Variants in CD99 observed in about 807,000 individuals in gnomAD.
CD99 encodes the protein CD99 molecule (Xg blood group).
A neutral mutation model predicts 28.4 loss-of-function variants in CD99; 19 were observed. The observed-to-expected ratio is 0.67, with a 90% CI of 0.47 to 0.98. The LOEUF (loss-of-function observed/expected upper bound fraction) is 0.98. Among genes scored for constraint, CD99 ranks in the 50% least tolerant of loss-of-function variants. CD99 has a pLI of 0.00. For missense variants in CD99, 283 were observed against 248.8 expected (o/e 1.14, Z -0.92); for synonymous variants, 103 against 92.1 (o/e 1.12, Z -0.67).
intron 8 of CD99, among the ~76,000 whole-genome samples, chrX:2,730,572 C>G (rs1011389393): frequency 6.6e-6 from 1 of 152,106 alleles, no homozygotes; most frequent in African/African-American, 2.4e-5. Flanking sequence ...TAATTTTCTT[C>G]TAATATTTTC....
chrX:2,711,352 TAGTATGTGTATATAC>T (rs2048398037), intron 1 of CD99, among the ~76,000 whole-genome samples: 1 of 149,186 alleles, frequency 6.7e-6, no homozygotes. Context: ...TGTGTATACA[TAGTATGTGTATATAC>T]AGTATGTATG....
intron 8 of CD99, among the ~76,000 whole-genome samples, chrX:2,731,195 G>A (rs1327971786): frequency 3.3e-5 from 5 of 152,158 alleles, no homozygotes; most frequent in African/African-American, 7.2e-5. Context: ...TTATGGGTTC[G>A]ATTTCCGGGA....
chrX:2,714,926 T>G (rs1346808156), intron 2 of CD99: 1 of 155,204 alleles, frequency 6.4e-6, no homozygotes, highest in Non-Finnish European at 1.4e-5. Flanking sequence ...CTTGTTAAGA[T>G]AAATGAACCA....
chrX:2,715,212 A>C (rs6641640), intron 2 of CD99: 1 of 148,496 alleles, frequency 6.7e-6, no homozygotes, highest in African/African-American at 2.5e-5. Flanking sequence ...TTATCACTCT[A>C]TCAGCTTCTG....
At chrX:2,725,146 A>G (rs977262478) in intron 7 of CD99, among the ~76,000 whole-genome samples, 19 of 150,856 alleles carry the variant, frequency 1.3e-4, no homozygotes, top group African/African-American at 4.6e-4. Context: ...GTGTAATCCC[A>G]GCATTTTGGG....
intron 8 of CD99, among the ~76,000 whole-genome samples, chrX:2,728,439 G>A (rs1302171873): frequency 1.3e-5 from 2 of 151,866 alleles, no homozygotes; most frequent in Non-Finnish European, 2.9e-5. Context: ...TGGATGATCC[G>A]CCTGCCTTGA....
At chrX:2,702,158 G>A (rs2047893126) in intron 1 of CD99, among the ~76,000 whole-genome samples, 1 of 152,188 alleles carries the variant, frequency 6.6e-6, no homozygotes. Context: ...CTTCAGGTGG[G>A]CTAGGGAGAG....
At chrX:2,711,292 T>C (rs1380652491) in intron 1 of CD99, among the ~76,000 whole-genome samples, 7 of 148,040 alleles carry the variant, frequency 4.7e-5, no homozygotes, top group Non-Finnish European at 7.4e-5. Flanking sequence ...ATATAGTATG[T>C]ATATATAGTA....
At chrX:2,734,828 ACTT>A (rs2049856988) in intron 8 of CD99, among the ~76,000 whole-genome samples, 1 of 56,894 alleles carries the variant, frequency 1.8e-5, no homozygotes, top group Non-Finnish European at 3.8e-5. Context: ...ATTTTTTCTT[ACTT>A]CTTTTACTTT....
chrX:2,713,429 A>G (rs1030332379), intron 1 of CD99, among the ~76,000 whole-genome samples: 9 of 151,972 alleles, frequency 5.9e-5, no homozygotes, highest in Non-Finnish European at 1.0e-4. Context: ...ATATGCACCC[A>G]CAACACATAC....
In CD99 at chrX:2,738,270, G is replaced by C. The variant is rs1394484061; in HGVS notation, c.532+14G>C. 1 of 1,613,480 alleles carries C rather than the reference G, an allele frequency of 6.2e-7. No homozygotes were observed. The highest frequency in any genetic ancestry group is 1.7e-5 in the Admixed American group (1 of 60,002). ...CAGAGCCAGCTGGTAAGAAGGACGG[G>C]GAACGATGGCTTGCACACGTGGCCA... On this transcript the variant is annotated intron_variant, in intron 9 of 9. Transcript: ENST00000381192.
At chrX:2,702,134 C>T (rs1040745114) in intron 1 of CD99, among the ~76,000 whole-genome samples, 2 of 152,168 alleles carry the variant, frequency 1.3e-5, no homozygotes, top group African/African-American at 4.8e-5. Context: ...TCTGGTAATA[C>T]TTGTGAGAAA....
intron 8 of CD99, among the ~76,000 whole-genome samples, chrX:2,731,480 C>T (rs2049603133): frequency 6.6e-6 from 1 of 152,110 alleles, no homozygotes; most frequent in African/African-American, 2.4e-5. Context: ...TTTCCAGGTA[C>T]TCGGGAGGCT....
chrX:2,707,120 C>G (rs188762068), intron 1 of CD99, among the ~76,000 whole-genome samples: 1 of 152,046 alleles, frequency 6.6e-6, no homozygotes, highest in Non-Finnish European at 1.5e-5. Flanking sequence ...ACTTGATGCC[C>G]GGAGTTTGAG....
intron 6 of CD99, 91 bp from the exon 7 acceptor site, chrX:2,723,223 G>C (rs1603284201): frequency 1.5e-6 from 2 of 1,317,154 alleles, no homozygotes; most frequent in Non-Finnish European, 2.2e-6. Context: ...TAGAGTGTAA[G>C]AAGCAGGACC....
intron 1 of CD99, among the ~76,000 whole-genome samples, chrX:2,695,039 G>A (rs867264674): frequency 2.1e-4 from 32 of 152,106 alleles, no homozygotes; most frequent in African/African-American, 7.5e-4. Context: ...ATCTTCCCCC[G>A]GGGAAATAGA....
intron 3 of CD99, 30 bp downstream of exon 3, chrX:2,717,682 G>T (rs199527530): frequency 2.9e-5 from 47 of 1,599,540 alleles, no homozygotes; most frequent in African/African-American, 5.4e-5. Context: ...AGTATGCAAA[G>T]AAAAAGAGCA....
chrX:2,719,375 ATTACT>A (rs1473320100), intron 3 of CD99: 2 of 417,764 alleles, frequency 4.8e-6, no homozygotes, highest in African/African-American at 2.2e-5. Context: ...TCATTTATAA[ATTACT>A]TTATTTCTCT....
chrX:2,712,713 C>G (rs950154904), intron 1 of CD99, among the ~76,000 whole-genome samples: 5 of 152,060 alleles, frequency 3.3e-5, no homozygotes, highest in African/African-American at 7.3e-5. Context: ...AGAGCTGTTC[C>G]GAGCGTTTTG....
Sources: gnomAD v4.1 joint callset for allele counts (sites outside exome capture counted in the v4.1 genomes callset) on GRCh38, gnomAD v4.1.1 for gene constraint, MANE v1.5 for transcripts, NCBI Gene and HGNC (gene_info 2026-07-23, HGNC 2026-07-21) for gene names.